The following XKR4 variants were observed in gnomAD, a reference collection of about 807,000 sequenced individuals.
XKR4 encodes XK-related protein 4.
A neutral mutation model predicts 53.9 loss-of-function variants in XKR4; 12 were observed. The observed-to-expected ratio is 0.22, with a 90% CI of 0.14 to 0.36. The LOEUF (loss-of-function observed/expected upper bound fraction) is 0.36. Among genes scored for constraint, XKR4 ranks in the 10% least tolerant of loss-of-function variants. The pLI is 1.00. For missense variants in XKR4, 799 were observed against 859.5 expected (o/e 0.93, Z 0.88); for synonymous variants, 354 against 362.4 (o/e 0.98, Z 0.26).
At chr8:55,291,310 T>C (rs924234244) in intron 1 of XKR4, among the ~76,000 whole-genome samples, 2 of 152,220 alleles carry the variant, frequency 1.3e-5, no homozygotes, top group African/African-American at 2.4e-5. Flanking sequence ...ATTCTTCTCA[T>C]GTTATTCTTC....
chr8:55,277,270 A>C (rs758959758), intron 1 of XKR4, among the ~76,000 whole-genome samples: 2 of 152,244 alleles, frequency 1.3e-5, no homozygotes, highest in Non-Finnish European at 2.9e-5. Flanking sequence ...AGGTGCTACT[A>C]ACAAAGGTGC....
At chr8:55,243,067 G>A (rs1484252420) in intron 1 of XKR4, among the ~76,000 whole-genome samples, 1 of 152,066 alleles carries the variant, frequency 6.6e-6, no homozygotes, top group East Asian at 1.9e-4. Flanking sequence ...CAGCAAAATT[G>A]AAGAGCAAGT....
chr8:55,479,430 G>T (rs149452912), intron 2 of XKR4, among the ~76,000 whole-genome samples: 18,095 of 151,698 alleles, frequency 0.12, 1,723 homozygotes, highest in East Asian at 0.41. Flanking sequence ...AGCACTAAAT[G>T]CCCACAACAG....
At chr8:55,286,898 C>T (rs1255208365) in intron 1 of XKR4, among the ~76,000 whole-genome samples, 1 of 152,012 alleles carries the variant, frequency 6.6e-6, no homozygotes, top group African/African-American at 2.4e-5. Flanking sequence ...ATGAAAGATA[C>T]ATAAAGTGAT....
At chr8:55,460,075 A>G (rs1242214494) in intron 2 of XKR4, among the ~76,000 whole-genome samples, 1 of 152,138 alleles carries the variant, frequency 6.6e-6, no homozygotes, top group Admixed American at 6.5e-5. Context: ...GTATATTTAT[A>G]CAACTGGATA....
Position 55,102,241 on chromosome 8 carries a change from G to A in XKR4, c.-248G>A, listed in dbSNP as rs1191941983. ...GGGCGCGCGCGGGGCGCCGCGAGCA[G>A]CTTGGCTCCGCGCAGGCAGCCAGGC... On this transcript the variant is annotated 5_prime_UTR_variant, in exon 1 of 3. Coordinates refer to ENST00000327381, the MANE Select transcript of XKR4 (RefSeq NM_052898.2). This position sits in a 1 kb window ranked among gnomAD's most constrained non-coding sequence, Gnocchi z 5.1. 3.7e-6 allele frequency: 1 copy of A among 273,122 alleles called. No individual in the cohort carries two copies. The highest frequency in any genetic ancestry group is 2.3e-5 in the African/African-American group (1 of 43,044). The allele number at this position is 273,122 out of a possible 1,614,324, so 16.9% of individuals were successfully genotyped here.
chr8:55,178,415 T>TA (rs1817261163), intron 1 of XKR4, among the ~76,000 whole-genome samples: 1 of 152,244 alleles, frequency 6.6e-6, no homozygotes, highest in Admixed American at 6.5e-5. Context: ...ACTGAGCTGT[T>TA]ATGAAGGTTA....
At chr8:55,144,427 A>G (rs923397161) in intron 1 of XKR4, among the ~76,000 whole-genome samples, 1 of 152,290 alleles carries the variant, frequency 6.6e-6, no homozygotes, top group Non-Finnish European at 1.5e-5. Flanking sequence ...CCACCTAGAA[A>G]TAGTGCTTGA....
rs561902748 is a variant in XKR4, at chr8:55,176,969, A to G, written c.806+73675A>G. Among the ~76,000 whole-genome samples the G allele has an allele frequency of 1.1e-4, 16 of 152,112 alleles. 1 individual carries two copies. The South Asian group carries it at 3.3e-3, about 32-fold the overall frequency. ...CAAAAGTACCCCATATAATTTGCCT[A>G]GTAATTTTCAGATAAACACAAGCAG... On this transcript the variant is annotated intron_variant, in intron 1 of 2. Coordinates refer to ENST00000327381, the MANE Select transcript of XKR4 (RefSeq NM_052898.2).
At chr8:55,446,587 G>C (rs898624306) in intron 2 of XKR4, among the ~76,000 whole-genome samples, 7 of 152,142 alleles carry the variant, frequency 4.6e-5, no homozygotes, top group African/African-American at 1.7e-4. Flanking sequence ...GAGCTCAGGA[G>C]ATCTGCCCAC....
At chr8:55,447,014 C>T (rs1460216510) in intron 2 of XKR4, among the ~76,000 whole-genome samples, 3 of 151,318 alleles carry the variant, frequency 2.0e-5, no homozygotes, top group Non-Finnish European at 4.4e-5. Context: ...TATCTTTCAC[C>T]CGATTTTTGT....
chr8:55,289,562 AAG>A (rs1818953280), intron 1 of XKR4, among the ~76,000 whole-genome samples: 2 of 120,074 alleles, frequency 1.7e-5, no homozygotes, highest in Non-Finnish European at 3.5e-5. Context: ...GGAAGGAAGG[AAG>A]GAAGGAGAGA....
chr8:55,296,982 C>T (rs531396350), intron 1 of XKR4, among the ~76,000 whole-genome samples: 12 of 152,184 alleles, frequency 7.9e-5, no homozygotes, highest in Middle Eastern at 3.4e-3. Flanking sequence ...AAATGCTTAA[C>T]GATTGAGGGT....
chr8:55,265,123 G>A (rs1344193863), intron 1 of XKR4, among the ~76,000 whole-genome samples: 1 of 152,194 alleles, frequency 6.6e-6, no homozygotes, highest in Non-Finnish European at 1.5e-5. Flanking sequence ...TCCTGTCAAG[G>A]AGAAGCTATT....
intron 2 of XKR4, among the ~76,000 whole-genome samples, chr8:55,458,230 G>C (rs192826219): frequency 6.6e-6 from 1 of 152,226 alleles, no homozygotes; most frequent in African/African-American, 2.4e-5. Context: ...AAATGAGATA[G>C]TTCCCTTGAC....
At chr8:55,209,027 A>C (rs1304832268) in intron 1 of XKR4, among the ~76,000 whole-genome samples, 1 of 152,136 alleles carries the variant, frequency 6.6e-6, no homozygotes. Flanking sequence ...TTTTTCTCTC[A>C]TGTTTCAAAT....
intron 1 of XKR4, among the ~76,000 whole-genome samples, chr8:55,313,382 A>G (rs1360245918): frequency 6.6e-5 from 10 of 152,230 alleles, no homozygotes; most frequent in Admixed American, 6.5e-4. Context: ...CTGATTTGCT[A>G]AATTTACTTC....
chr8:55,462,466 T>TTTCG (rs1209529769), intron 2 of XKR4, among the ~76,000 whole-genome samples: 1 of 152,136 alleles, frequency 6.6e-6, no homozygotes, highest in Admixed American at 6.5e-5. Flanking sequence ...AAAGAGCTCC[T>TTTCG]GAAGGAAGCA....
intron 1 of XKR4, among the ~76,000 whole-genome samples, chr8:55,289,900 G>GAAAGAAA (rs1818994486): frequency 3.0e-5 from 3 of 101,128 alleles, no homozygotes; most frequent in African/African-American, 8.9e-5. Flanking sequence ...AAGAAAGAAA[G>GAAAGAAA]AAAGAAACTG....
Sources: gnomAD v4.1 joint callset for allele counts (sites outside exome capture counted in the v4.1 genomes callset) on GRCh38, gnomAD v4.1.1 for gene constraint, Gnocchi (gnomAD v3.1) non-coding constraint, MANE v1.5 for transcripts, NCBI Gene and HGNC (gene_info 2026-07-23, HGNC 2026-07-21) for gene names.